PRDM10: variants seen among roughly 807,000 people sequenced by gnomAD.
PRDM10 encodes PR/SET domain 10, also known as PR domain zinc finger protein 10.
In PRDM10, 65 loss-of-function variants were observed where a neutral mutation model predicts 133.1. The ratio of observed to expected loss-of-function variants is 0.49; its 90% confidence interval spans 0.40 to 0.60. The LOEUF is 0.60. Ranked by LOEUF, PRDM10 falls within the 20% of genes least tolerant of loss-of-function variation. The pLI is 0.00. For missense variants in PRDM10, 1,137 were observed against 1,507.1 expected, an observed-to-expected ratio of 0.75 and a Z score of 4.07; for synonymous variants, 582 against 580.4, an observed-to-expected ratio of 1.00 and a Z score of -0.04.
intron 8 of PRDM10, among the ~76,000 whole-genome samples, chr11:129,936,082 C>G (rs1951019748): frequency 6.6e-6 from 1 of 152,074 alleles, no homozygotes; most frequent in South Asian, 2.1e-4. Context: ...GATCACCCGG[C>G]CAATCATTGA....
At chr11:129,948,869 C>T (rs766394428) in intron 4 of PRDM10, among the ~76,000 whole-genome samples, 12 of 152,184 alleles carry the variant, frequency 7.9e-5, no homozygotes, top group African/African-American at 1.7e-4. Flanking sequence ...CTACTGCAGA[C>T]CCATCCTGAA....
At chr11:129,934,045 C>A (rs570548670) in intron 9 of PRDM10, among the ~76,000 whole-genome samples, 8 of 152,200 alleles carry the variant, frequency 5.3e-5, no homozygotes, top group African/African-American at 1.7e-4. Context: ...CCACAGCATA[C>A]GCTCCAAGGT....
At chr11:129,930,922 G>C (rs994486370) in intron 11 of PRDM10, 94 bp downstream of exon 11, 2 of 1,478,218 alleles carry the variant, frequency 1.4e-6, no homozygotes, top group East Asian at 2.3e-5. Context: ...AGATTTCAGA[G>C]AGGAAGGTGA....
At chr11:129,929,170 G>A (rs192872769) in intron 11 of PRDM10, among the ~76,000 whole-genome samples, 49 of 152,298 alleles carry the variant, frequency 3.2e-4, no homozygotes, top group Admixed American at 2.5e-3. Flanking sequence ...TGGTTTTAGC[G>A]CTGGAAGGGA....
At chr11:129,952,540 C>T (rs58935962) in intron 4 of PRDM10, among the ~76,000 whole-genome samples, 37,452 of 151,864 alleles carry the variant, frequency 0.25, 7,257 homozygotes, top group East Asian at 0.62. Context: ...AACATCTTTT[C>T]TTTTAAGAGA....
Position 129,944,813 on chromosome 11 carries a change from G to A in PRDM10, c.720C>T (p.Leu240=), listed in dbSNP as rs190157708. ...RTQFGPVEGP[L]VRGSELKDCY... ...AGTCTTTCAGCTCCGAGCCCCTGAC[G>A]AGAGGCCCCTCCACGGGGCCAAACT... Residue 240 remains leucine, a synonymous_variant, in exon 6 of 21, where the codon CTC becomes CTT. Transcript: ENST00000360871. 9.9e-6 allele frequency: 16 copies of A among 1,614,010 alleles called. No individual in the cohort carries two copies. Among genetic ancestry groups the A allele is most frequent in the East Asian group, 4.5e-5 (2 of 44,848 alleles).
At chr11:129,971,768 C>T (rs1270720112) in intron 1 of PRDM10, among the ~76,000 whole-genome samples, 1 of 152,260 alleles carries the variant, frequency 6.6e-6, no homozygotes, top group Non-Finnish European at 1.5e-5. Context: ...CAGCTGGCTT[C>T]ACCCAGTGGA....
rs1264768912 is a variant in PRDM10, at chr11:129,947,309, G to A, written c.356C>T (p.Pro119Leu). 1 of 1,613,962 alleles carries A rather than the reference G, an allele frequency of 6.2e-7. No individual in the cohort carries two copies. The highest frequency in any genetic ancestry group is 2.2e-5 in the East Asian group (1 of 44,868). ...TAGAGGGGTCTGCAGAGTTGCCAAA[G>A]GGTCGGACCCATCTACACTCTCGAT... ...PSIESVDGSD[P>L]LATLQTPLGR... is the part of the protein sequence containing the mutation. The change falls in exon 5 of 21, where the codon CCT becomes CTT. Residue 119 changes from proline (P) to leucine (L), a missense_variant. Pro to Leu is a moderately conservative substitution (Grantham distance 98). Transcript: ENST00000360871. The surrounding 1 kb of genome is among the most constrained non-coding windows in gnomAD (Gnocchi z 4.6).
chr11:129,935,231 G>A lies in PRDM10; in HGVS notation c.1040-13C>T. 2 of 1,599,404 alleles carry A rather than the reference G, an allele frequency of 1.3e-6. No individual in the cohort carries two copies. The highest frequency in any genetic ancestry group is 1.7e-6 in the Non-Finnish European group (2 of 1,166,750). ...TGCTCTCGAAGAACTACAGTCACAGGAGAGAAATCATAAAGGCTGATGACC... is the reference window on the plus strand; with the variant it reads ...TGCTCTCGAAGAACTACAGTCACAGAAGAGAAATCATAAAGGCTGATGACC... On this transcript the variant is annotated splice_polypyrimidine_tract_variant and intron_variant, in intron 8 of 20. Transcript: ENST00000360871.
At chr11:129,914,122 T>C (rs1616058) in intron 17 of PRDM10, among the ~76,000 whole-genome samples, 151,756 of 152,284 alleles carry the variant, frequency 1, 75,615 homozygotes, top group Middle Eastern at 1. Flanking sequence ...CTGCCCCAGC[T>C]TCCTGAGTAG....
chr11:129,937,885 T>C (rs924068786), intron 7 of PRDM10, among the ~76,000 whole-genome samples: 1 of 152,256 alleles, frequency 6.6e-6, no homozygotes, highest in Non-Finnish European at 1.5e-5. Context: ...TGTTTTCTTT[T>C]TCAGAAAATG....
chr11:129,915,548 C>T, intron 16 of PRDM10, 112 bp downstream of exon 16: 1 of 1,168,772 alleles, frequency 8.6e-7, no homozygotes, highest in Non-Finnish European at 1.2e-6. Flanking sequence ...CTTTCAGTCC[C>T]CCGTCAACTC....
intron 1 of PRDM10, among the ~76,000 whole-genome samples, chr11:129,981,060 G>A (rs1938083654): frequency 2.6e-5 from 4 of 151,770 alleles, no homozygotes; most frequent in Admixed American, 1.3e-4. Context: ...TAGTGCAGAT[G>A]GGGTTTCACC....
chr11:129,985,780 C>CAAAAAA (rs1159728991), intron 1 of PRDM10, among the ~76,000 whole-genome samples: 5 of 26,754 alleles, frequency 1.9e-4, no homozygotes, highest in Admixed American at 6.1e-4. Flanking sequence ...AAACCCTGTC[C>CAAAAAA]AAAAAAAAAA....
chr11:129,971,647 C>T (rs559918264), intron 1 of PRDM10, among the ~76,000 whole-genome samples: 4,805 of 136,898 alleles, frequency 0.035, 187 homozygotes, highest in East Asian at 0.13. Flanking sequence ...TACAGAGTGT[C>T]GATTGGGTGC....
chr11:129,934,990 G>A, intron 9 of PRDM10, 111 bp downstream of exon 9: 1 of 842,980 alleles, frequency 1.2e-6, no homozygotes, highest in Non-Finnish European at 1.9e-6. Context: ...AGCCCACCTG[G>A]TTACCTATCT....
At chr11:129,980,537 T>C (rs1299183264) in intron 1 of PRDM10, among the ~76,000 whole-genome samples, 2 of 152,142 alleles carry the variant, frequency 1.3e-5, no homozygotes. Context: ...CCCTTGTCCA[T>C]GGAAAAATTG....
intron 18 of PRDM10, among the ~76,000 whole-genome samples, chr11:129,910,889 G>C (rs1950169459): frequency 6.6e-6 from 1 of 152,028 alleles, no homozygotes; most frequent in South Asian, 2.1e-4. Context: ...TGATTCTCCT[G>C]CCTCAGCCTC....
chr11:130,000,042 A>ATTTT (rs955648260), intron 1 of PRDM10, among the ~76,000 whole-genome samples: 1 of 138,636 alleles, frequency 7.2e-6, no homozygotes. Flanking sequence ...TCGCTTCTAA[A>ATTTT]TTTTTTTTTT....
Sources: gnomAD v4.1 joint callset for allele counts (sites outside exome capture counted in the v4.1 genomes callset) on GRCh38, gnomAD v4.1.1 for gene constraint, Gnocchi (gnomAD v3.1) non-coding constraint, MANE v1.5 for transcripts, NCBI Gene and HGNC (gene_info 2026-07-23, HGNC 2026-07-21) for gene names.